Variants in SNAPC1 observed in about 807,000 individuals in gnomAD.
SNAPC1 encodes the protein small nuclear RNA activating complex polypeptide 1.
In SNAPC1, 42 loss-of-function variants were observed where a neutral mutation model predicts 50.1. That is an observed-to-expected ratio of 0.84 (90% CI 0.65 to 1.08). The LOEUF (loss-of-function observed/expected upper bound fraction) is 1.08, where lower values mean the gene tolerates loss of function less well. Among genes scored for constraint, SNAPC1 ranks in the 50% least tolerant of loss-of-function variants. The probability of loss-of-function intolerance (pLI) is 0.00; values close to 1 mark genes in which losing one functional copy is unlikely to be tolerated. For missense variants in SNAPC1, 477 were observed against 427.3 expected (o/e 1.12, Z -1.02); for synonymous variants, 164 against 144.2 (o/e 1.14, Z -0.98).
At chr14:61,774,638 T>G (rs959064282) in intron 4 of SNAPC1, among the ~76,000 whole-genome samples, 4 of 147,554 alleles carry the variant, frequency 2.7e-5, no homozygotes, top group African/African-American at 7.5e-5. Flanking sequence ...CCACTATTGA[T>G]CAGTTTCTCA....
chr14:61,792,428 A>G (rs2045158765), intron 8 of SNAPC1, among the ~76,000 whole-genome samples: 1 of 152,224 alleles, frequency 6.6e-6, no homozygotes, highest in African/African-American at 2.4e-5. Context: ...AGGCTGTTAA[A>G]CTCAAAAATT....
chr14:61,773,053 A>T (rs2045005151), intron 4 of SNAPC1, among the ~76,000 whole-genome samples: 1 of 152,098 alleles, frequency 6.6e-6, no homozygotes, highest in South Asian at 2.1e-4. Context: ...ATACTTTTAA[A>T]TTTTCCTTCT....
intron 8 of SNAPC1, among the ~76,000 whole-genome samples, chr14:61,783,127 A>T (rs543196291): frequency 2.2e-4 from 33 of 150,022 alleles, no homozygotes; most frequent in African/African-American, 8.1e-4. Flanking sequence ...GGTCCAAGCA[A>T]TTCTCCTGCC....
Position 61,795,227 on chromosome 14 carries a change from A to G in SNAPC1, c.*244A>G. ...ATAAAACTTGTATTTAGTATGTAAT[A>G]GAAAAAATTCTGTTATTCGCAGATT... On this transcript the variant is annotated 3_prime_UTR_variant, in exon 10 of 10. Transcript: ENST00000216294. The G allele has an allele frequency of 2.3e-6, 1 of 442,528 alleles. No individual in the cohort carries two copies. 27.4% of individuals were successfully genotyped at this position (442,528 alleles called of 1,614,324 possible).
intron 7 of SNAPC1, among the ~76,000 whole-genome samples, chr14:61,781,322 G>T (rs982899079): frequency 6.6e-6 from 1 of 151,718 alleles, no homozygotes; most frequent in East Asian, 1.9e-4. Context: ...GGTGGTGGGC[G>T]CCAGTAGTCC....
chr14:61,778,954 T>A (rs771449800), intron 7 of SNAPC1, 44 bp downstream of exon 7: 12 of 1,054,038 alleles, frequency 1.1e-5, no homozygotes, highest in Non-Finnish European at 1.7e-5. Context: ...TGACTGCTTT[T>A]TAAATTATAT....
intron 7 of SNAPC1, among the ~76,000 whole-genome samples, chr14:61,779,937 G>A (rs759287323): frequency 1.3e-5 from 2 of 152,082 alleles, no homozygotes; most frequent in East Asian, 1.9e-4. Context: ...TTGAACTCCC[G>A]ATCTCAGGTG....
Position 61,795,410 on chromosome 14 carries a change from TTG to T in SNAPC1, c.*429_*430del, listed in dbSNP as rs2045182234. On this transcript the variant is annotated 3_prime_UTR_variant, in exon 10 of 10. Coordinates refer to ENST00000216294, the MANE Select transcript of SNAPC1 (RefSeq NM_003082.4). ...ACAGTCGGATAATGGATTTTTTATTTTGTATATTTATTCTATTTTGTATATTG... is the reference window on the plus strand; with the variant it reads ...ACAGTCGGATAATGGATTTTTTATTTTATATTTATTCTATTTTGTATATTG... 2 of 152,668 alleles carry T rather than the reference TTG, an allele frequency of 1.3e-5. No homozygotes were observed. Among genetic ancestry groups the T allele is most frequent in the African/African-American group, 4.8e-5 (2 of 41,454 alleles). The allele number at this position is 152,668 out of a possible 1,614,324, so 9.5% of individuals were successfully genotyped here.
intron 6 of SNAPC1, 104 bp from the exon 7 acceptor site, chr14:61,778,744 A>T: frequency 1.3e-6 from 1 of 742,340 alleles, no homozygotes; most frequent in South Asian, 1.6e-5. Flanking sequence ...TTTACCCTAC[A>T]TTGTGTCTGA....
intron 8 of SNAPC1, among the ~76,000 whole-genome samples, chr14:61,790,052 T>A (rs76500192): frequency 0.012 from 1,803 of 152,286 alleles, 60 homozygotes; most frequent in East Asian, 0.081. Context: ...GAATGCTTAA[T>A]GTCTGAGCAC....
At position 61,782,264 on chromosome 14, in the gene SNAPC1, G is replaced by T. The variant is rs371502747; in HGVS notation, c.843G>T (p.Arg281Ser). 3 of 1,599,348 alleles carry T rather than the reference G, an allele frequency of 1.9e-6. No homozygotes were observed. The South Asian group carries it at 3.4e-5, about 18-fold the overall frequency. ...SVVIQASKSR[R>S]HRQVKLDSSD... ...CTCTTAAGGCATCCAAATCAAGAAG[G>T]CATCGTCAAGTCAAACTCGACTCTT... The change falls in exon 8 of 10, where the codon AGG (arginine) becomes AGT (serine). Residue 281 changes from arginine (R) to serine (S), a missense_variant. Arg to Ser is a moderately radical substitution (Grantham distance 110). Transcript: ENST00000216294.
At chr14:61,788,970 C>T (rs1446407001) in intron 8 of SNAPC1, among the ~76,000 whole-genome samples, 3 of 152,194 alleles carry the variant, frequency 2.0e-5, no homozygotes, top group African/African-American at 4.8e-5. Flanking sequence ...CGGTGGCTGA[C>T]GCCTGTAGTC....
chr14:61,769,764 T>C (rs919568825), intron 4 of SNAPC1, among the ~76,000 whole-genome samples: 1 of 152,212 alleles, frequency 6.6e-6, no homozygotes, highest in Non-Finnish European at 1.5e-5. Context: ...TTTGATAATA[T>C]ATTTTCGTAT....
At chr14:61,762,625 C>T in intron 1 of SNAPC1, 37 bp downstream of exon 1, 1 of 1,610,924 alleles carries the variant, frequency 6.2e-7, no homozygotes, top group Non-Finnish European at 8.5e-7. Context: ...CTCTCCCTGC[C>T]CGCAGGTGGT....
At chr14:61,778,212 G>C in intron 6 of SNAPC1, 72 bp downstream of exon 6, 1 of 847,750 alleles carries the variant, frequency 1.2e-6, no homozygotes, top group Non-Finnish European at 1.9e-6. Flanking sequence ...CCCATGGTCA[G>C]TATTATAAGA....
intron 1 of SNAPC1, among the ~76,000 whole-genome samples, chr14:61,764,951 C>T (rs374181278): frequency 1.4e-4 from 20 of 145,428 alleles, no homozygotes; most frequent in African/African-American, 5.2e-4. Context: ...GGGCAAATGT[C>T]TTTATTGTTT....
chr14:61,792,814 G>T lies in SNAPC1; in HGVS notation c.984G>T (p.Val328=), dbSNP rs772626519. ...RKMSLRNKGN[V]QNIHKEDKPL... ...TTTTCTAAATATTTCTAGGCAATGT[G>T]CAGAATATACACAAGGAAGATAAAC... The change falls in exon 9 of 10, where the codon GTG becomes GTT. Residue 328 remains valine (V), a synonymous_variant. Coordinates refer to ENST00000216294, the MANE Select transcript of SNAPC1 (RefSeq NM_003082.4). The T allele has an allele frequency of 1.3e-6, 2 of 1,522,188 alleles. No homozygotes were observed. Among genetic ancestry groups the T allele is most frequent in the South Asian group, 1.2e-5 (1 of 83,306 alleles). 94.3% of individuals were successfully genotyped at this position (1,522,188 alleles called of 1,614,324 possible). A position where few individuals can be genotyped will look rare whatever the true frequency, so the allele number is the denominator to read the frequency against.
At chr14:61,774,181 T>G (rs2045016747) in intron 4 of SNAPC1, among the ~76,000 whole-genome samples, 1 of 151,380 alleles carries the variant, frequency 6.6e-6, no homozygotes. Context: ...TTTTTTTTTT[T>G]TTAAAGGTGG....
In SNAPC1 at chr14:61,778,068, T is replaced by C; in HGVS notation, c.694-4T>C. 2 of 1,554,706 alleles carry C rather than the reference T, an allele frequency of 1.3e-6. No homozygotes were observed. Among genetic ancestry groups the C allele is most frequent in the Non-Finnish European group, 8.8e-7 (1 of 1,134,558 alleles). ...GTGTGTATGTATCTTTTTTGCTCTT[T>C]TAGAATCCATCCTTAAAGTCAAAAA... On this transcript the variant is annotated splice_polypyrimidine_tract_variant and splice_region_variant and intron_variant, in intron 5 of 9. Coordinates refer to ENST00000216294, the MANE Select transcript of SNAPC1 (RefSeq NM_003082.4).
Sources: allele counts gnomAD v4.1 joint callset (sites outside exome capture counted in the v4.1 genomes callset), GRCh38; gene constraint gnomAD v4.1.1; transcripts MANE v1.5; gene names NCBI Gene and HGNC (gene_info 2026-07-23, HGNC 2026-07-21).